STPG2: variants seen among roughly 807,000 people sequenced by gnomAD.
STPG2 encodes sperm-tail PG-rich repeat-containing protein 2.
A neutral mutation model predicts 54.2 loss-of-function variants in STPG2; 56 were observed. The observed-to-expected ratio is 1.03, with a 90% confidence interval of 0.83 to 1.29. The LOEUF (loss-of-function observed/expected upper bound fraction) is 1.29, where lower values mean the gene tolerates loss of function less well. Ranked by LOEUF, STPG2 falls within the 50% of genes most tolerant of loss-of-function variation. The pLI is 0.00. For synonymous variants in STPG2, 200 were observed against 181.8 expected (o/e 1.10, Z -0.81); for missense variants, 596 against 544.9 (o/e 1.09, Z -0.93).
At position 97,528,375 on chromosome 4, in the gene STPG2, CA is replaced by C. The variant is rs1731330924; in HGVS notation, c.462+184323del. ...TTGGTCTATATATCTGTTTTGGTAC[CA>C]GTATCATGCTGTTTTGGTTATTGTA... On this transcript the variant is annotated intron_variant, in intron 4 of 4. Coordinates refer to the STPG2 transcript ENST00000522676. Among the ~76,000 whole-genome samples the C allele has an allele frequency of 2.0e-5, 3 of 152,216 alleles. No individual in the cohort carries two copies. The South Asian group carries it at 6.2e-4, about 32-fold the overall frequency.
At chr4:97,452,520 T>TC (rs957340308) in intron 4 of STPG2, among the ~76,000 whole-genome samples, 1 of 151,874 alleles carries the variant, frequency 6.6e-6, no homozygotes. Flanking sequence ...ATGTACTTCC[T>TC]CCCCTCTGAG....
chr4:98,029,810 G>A (rs1365458), intron 5 of STPG2, among the ~76,000 whole-genome samples: 59,952 of 151,958 alleles, frequency 0.39, 12,057 homozygotes, highest in Middle Eastern at 0.46. Flanking sequence ...CAGCCTGAAC[G>A]TACTATAGAG....
At chr4:97,855,655 A>G (rs566759896) in intron 8 of STPG2, among the ~76,000 whole-genome samples, 47 of 152,110 alleles carry the variant, frequency 3.1e-4, no homozygotes, top group Admixed American at 1.2e-3. Flanking sequence ...GCTGTGCAGA[A>G]GCTCTTTAGT....
intron 10 of STPG2, among the ~76,000 whole-genome samples, chr4:97,597,066 A>T (rs914833278): frequency 6.6e-6 from 1 of 152,152 alleles, no homozygotes; most frequent in Admixed American, 6.5e-5. Context: ...ACAAGAAAAA[A>T]TGACAAAGGA....
At chr4:97,536,733 G>T (rs556490844) in intron 4 of STPG2, among the ~76,000 whole-genome samples, 1 of 152,228 alleles carries the variant, frequency 6.6e-6, no homozygotes, top group Admixed American at 6.5e-5. Context: ...GCCTGTGGAT[G>T]AATCAAAGGA....
intron 8 of STPG2, among the ~76,000 whole-genome samples, chr4:97,927,622 G>T (rs1157329270): frequency 6.6e-6 from 1 of 151,632 alleles, no homozygotes; most frequent in Non-Finnish European, 1.5e-5. Context: ...CACAAAAAAA[G>T]TTTATAATAC....
chr4:97,739,259 C>T (rs932027170), intron 9 of STPG2, among the ~76,000 whole-genome samples: 2 of 152,034 alleles, frequency 1.3e-5, no homozygotes, highest in African/African-American at 4.8e-5. Context: ...CAGGAGAAAG[C>T]AGGAAAGATC....
intron 6 of STPG2, among the ~76,000 whole-genome samples, chr4:97,973,998 A>G (rs1425511120): frequency 6.6e-6 from 1 of 152,190 alleles, no homozygotes; most frequent in African/African-American, 2.4e-5. Flanking sequence ...AGCTTGCACC[A>G]TGTGCCTGGA....
In STPG2 at chr4:97,498,624, A is replaced by C. The variant is rs1049075984; in HGVS notation, c.462+214075T>G. Among the ~76,000 whole-genome samples the C allele has an allele frequency of 2.8e-4, 42 of 151,932 alleles. 1 individual carries two copies. Among genetic ancestry groups the C allele is most frequent in the Non-Finnish European group, 5.9e-5 (4 of 67,956 alleles). On this transcript the variant is annotated intron_variant, in intron 4 of 4. Transcript: ENST00000522676. ...AAAGGTAAAAAGCAACCTGAAAAAA[A>C]AAATAATGATCTTGAAATCTGCAAC...
chr4:97,593,023 A>C (rs1170677037), intron 10 of STPG2, among the ~76,000 whole-genome samples: 1 of 152,160 alleles, frequency 6.6e-6, no homozygotes. Context: ...AGAACAGAAC[A>C]GTCTTGCCTT....
At position 97,862,739 on chromosome 4, in the gene STPG2, A is replaced by T. The variant is rs1219195052; in HGVS notation, c.1045-21807T>A. ...AATGTAAAAGTACAGAAATTATAAC[A>T]AACTGTCTCTCCGACCACAGTGCAA... On this transcript the variant is annotated intron_variant, in intron 8 of 10. Coordinates refer to ENST00000295268, the MANE Select transcript of STPG2 (RefSeq NM_174952.3). Among the ~76,000 whole-genome samples, 4 of 152,196 alleles carry T rather than the reference A, an allele frequency of 2.6e-5. No individual in the cohort carries two copies. The South Asian group carries it at 8.3e-4, about 31-fold the overall frequency.
intron 8 of STPG2, among the ~76,000 whole-genome samples, chr4:97,896,120 T>C (rs976415182): frequency 1.3e-5 from 2 of 151,766 alleles, no homozygotes; most frequent in Admixed American, 1.3e-4. Flanking sequence ...CTTATATCCA[T>C]ATGTTACACA....
At chr4:97,737,165 G>A (rs1206249903) in intron 9 of STPG2, among the ~76,000 whole-genome samples, 1 of 152,158 alleles carries the variant, frequency 6.6e-6, no homozygotes, top group Non-Finnish European at 1.5e-5. Flanking sequence ...CTGTTAGAAG[G>A]AAAACTAATG....
At chr4:97,712,881 A>C in intron 9 of STPG2, 67 bp from the exon 10 acceptor site, 2 of 1,104,174 alleles carry the variant, frequency 1.8e-6, no homozygotes, top group Non-Finnish European at 2.6e-6. Flanking sequence ...TGGTCATATG[A>C]ATATTAGGTT....
At chr4:97,516,782 T>G (rs186545132) in intron 4 of STPG2, among the ~76,000 whole-genome samples, 1 of 151,880 alleles carries the variant, frequency 6.6e-6, no homozygotes, top group East Asian at 2.0e-4. Context: ...GAGCCAAGAT[T>G]GTGCCACTGG....
chr4:97,872,979 T>C (rs1247338556), intron 8 of STPG2, among the ~76,000 whole-genome samples: 1 of 151,382 alleles, frequency 6.6e-6, no homozygotes, highest in South Asian at 2.1e-4. Context: ...TTTTAAGTTA[T>C]GAATAGATTT....
intron 8 of STPG2, among the ~76,000 whole-genome samples, chr4:97,926,618 T>C (rs1732340747): frequency 6.6e-6 from 1 of 152,176 alleles, no homozygotes; most frequent in South Asian, 2.1e-4. Context: ...TCCATGCCTT[T>C]GCATTTCTGA....
chr4:97,971,371 T>C (rs1473832897), intron 7 of STPG2, among the ~76,000 whole-genome samples: 1 of 152,218 alleles, frequency 6.6e-6, no homozygotes, highest in Non-Finnish European at 1.5e-5. Flanking sequence ...ATTGCAGCAC[T>C]ATTCACAATA....
At chr4:97,549,669 T>C (rs1053601647) in intron 4 of STPG2, among the ~76,000 whole-genome samples, 1 of 152,134 alleles carries the variant, frequency 6.6e-6, no homozygotes, top group Non-Finnish European at 1.5e-5. Flanking sequence ...AATAAGTTCC[T>C]TATAAAGAGA....
Sources: allele counts gnomAD v4.1 joint callset (sites outside exome capture counted in the v4.1 genomes callset), GRCh38; gene constraint gnomAD v4.1.1; transcripts MANE v1.5; gene names NCBI Gene and HGNC (gene_info 2026-07-23, HGNC 2026-07-21).